PRKCZ: variants seen among roughly 807,000 people sequenced by gnomAD.
PRKCZ encodes protein kinase C zeta type.
A neutral mutation model predicts 79.5 loss-of-function variants in PRKCZ; 33 were observed. The ratio of observed to expected loss-of-function variants is 0.41; its 90% CI spans 0.31 to 0.55. The LOEUF (loss-of-function observed/expected upper bound fraction) is 0.55, where lower values mean the gene tolerates loss of function less well. Ranked by LOEUF, PRKCZ falls within the 20% of genes least tolerant of loss-of-function variation. The pLI is 0.19. For synonymous variants in PRKCZ, 342 were observed against 320.9 expected (o/e 1.07, Z -0.70); for missense variants, 578 against 813.5 (o/e 0.71, Z 3.52).
chr1:2,074,144 C>G (rs1279358344), intron 4 of PRKCZ: 2 of 1,542,008 alleles, frequency 1.3e-6, no homozygotes, highest in Non-Finnish European at 1.8e-6. Flanking sequence ...CAGCTCCCAG[C>G]AATGTCAGGG....
chr1:2,174,289 C>G lies in PRKCZ; in HGVS notation c.1405+273C>G, dbSNP rs987030301. Among the ~76,000 whole-genome samples, 3 of 152,180 alleles carry G rather than the reference C, an allele frequency of 2.0e-5. No individual in the cohort carries two copies. The highest frequency in any genetic ancestry group is 2.9e-5 in the Non-Finnish European group (2 of 68,026). ...CTGGCCAGCAGCACATGCTGGAGCC[C>G]CAGCATGTCCTTGACCGAGGCTGTA... On this transcript the variant is annotated intron_variant, in intron 14 of 17. Transcript: ENST00000378567. The surrounding 1 kb of genome is among the most constrained non-coding windows in gnomAD (Gnocchi z 6.2).
rs564129854 is a variant in PRKCZ at position 2,075,273 on chromosome 1, A to T, written c.334+15682A>T. 3 of 152,300 alleles carry T rather than the reference A, an allele frequency of 2.0e-5. No individual in the cohort carries two copies. In the South Asian group the frequency reaches 6.2e-4, roughly 32 times the overall value. The allele number at this position is 152,300 out of a possible 1,614,324, so 9.4% of individuals were successfully genotyped here. On this transcript the variant is annotated intron_variant, in intron 4 of 17. Transcript: ENST00000378567. The surrounding 1 kb of genome is among the most constrained non-coding windows in gnomAD (Gnocchi z 4.8). ...GTGTGAGCCCACGCTGGCCATGCACAGCTGGCACGATCCCTTGCGGTGTGA... is the reference window on the plus strand; with the variant it reads ...GTGTGAGCCCACGCTGGCCATGCACTGCTGGCACGATCCCTTGCGGTGTGA...
At position 2,094,594 on chromosome 1, in the gene PRKCZ, G is replaced by A. The variant is rs1466806772; in HGVS notation, c.334+35003G>A. Among the ~76,000 whole-genome samples the A allele has an allele frequency of 1.2e-5, 1 of 80,960 alleles. No individual in the cohort carries two copies. The highest frequency in any genetic ancestry group is 1.2e-4 in the Admixed American group (1 of 8,638). 53.1% of individuals were successfully genotyped at this position (80,960 alleles called of 152,430 possible). A position where few individuals can be genotyped will look rare whatever the true frequency, so the allele number is the denominator to read the frequency against. ...GGGCGCTGCCCGTTCTGAGGCGCCC[G>A]CTGTGCCCGGCTCGATGAACCTTGG... On this transcript the variant is annotated intron_variant, in intron 4 of 17. Coordinates refer to ENST00000378567, the MANE Select transcript of PRKCZ (RefSeq NM_002744.6). The surrounding 1 kb of genome is among the most constrained non-coding windows in gnomAD (Gnocchi z 7.3).
intron 4 of PRKCZ, among the ~76,000 whole-genome samples, chr1:2,069,312 A>C (rs546900633): frequency 6.3e-4 from 96 of 152,220 alleles, no homozygotes; most frequent in Non-Finnish European, 1.2e-3. Context: ...GGTGATGGGC[A>C]GCTGGAGAAC....
rs1372305827 is a variant in PRKCZ, at chr1:2,185,177, G to A, written c.*168G>A. The A allele has an allele frequency of 1.4e-6, 1 of 732,070 alleles. No individual in the cohort carries two copies. Among genetic ancestry groups the A allele is most frequent in the African/African-American group, 1.7e-5 (1 of 57,734 alleles). 45.3% of individuals were successfully genotyped at this position (732,070 alleles called of 1,614,324 possible). A position where few individuals can be genotyped will look rare whatever the true frequency, so the allele number is the denominator to read the frequency against. On this transcript the variant is annotated 3_prime_UTR_variant, in exon 18 of 18. Transcript: ENST00000378567. The stretch of plus-strand genomic sequence containing the variant: ...AGCGGGCGCTGCTGGGAGCAGAACA[G>A]TCCCTCACACCTGGGCCCGGGCAGG...
At chr1:2,144,136 G>A in intron 5 of PRKCZ, 74 bp from the exon 6 acceptor site, 2 of 1,522,338 alleles carry the variant, frequency 1.3e-6, no homozygotes, top group East Asian at 2.5e-5. Context: ...AGGTATAGGT[G>A]TGGAAGGCCC....
chr1:2,073,765 C>T (rs540896604), intron 4 of PRKCZ: 11 of 1,009,082 alleles, frequency 1.1e-5, no homozygotes, highest in Middle Eastern at 5.0e-4. Context: ...GCCGGCCTTC[C>T]GTTAAATATC....
chr1:2,083,554 A>G (rs1246661741), intron 4 of PRKCZ, among the ~76,000 whole-genome samples: 1 of 152,194 alleles, frequency 6.6e-6, no homozygotes, highest in Non-Finnish European at 1.5e-5. Flanking sequence ...TCGGCAAGAG[A>G]GTGGCAACAT....
At chr1:2,058,496 A>G (rs1660389870) in intron 3 of PRKCZ, among the ~76,000 whole-genome samples, 1 of 152,000 alleles carries the variant, frequency 6.6e-6, no homozygotes, top group Non-Finnish European at 1.5e-5. Flanking sequence ...AAATTCATAG[A>G]TGTGCCTAAT....
chr1:2,120,287 C>T (rs868328897), intron 4 of PRKCZ, among the ~76,000 whole-genome samples: 235 of 66,764 alleles, frequency 3.5e-3, no homozygotes, highest in African/African-American at 0.01. Flanking sequence ...CAGCCCTTGA[C>T]TTTTCGTTTT....
chr1:2,060,657 G>A lies in PRKCZ; in HGVS notation c.334+1066G>A, dbSNP rs570987754. ...CTCAGCCAACCGGGGTCCCTGCACC[G>A]TGGCCGGCAAGGCCGAGGAGCCATC... On this transcript the variant is annotated intron_variant, in intron 4 of 17. Transcript: ENST00000378567. 2.2e-4 allele frequency among the ~76,000 whole-genome samples: 33 copies of A among 152,362 alleles called. 3 individuals carry two copies. In the South Asian group the frequency reaches 6.0e-3, roughly 28 times the overall value.
chr1:2,069,747 C>T (rs922575492), intron 4 of PRKCZ, among the ~76,000 whole-genome samples: 9 of 152,144 alleles, frequency 5.9e-5, no homozygotes, highest in Admixed American at 2.6e-4. Flanking sequence ...TCTAGATGGC[C>T]GGGCCCATCA....
Position 2,173,972 on chromosome 1 carries a change from TCA to T in PRKCZ, c.1363_1364del (p.Thr455ArgfsTer40), listed in dbSNP as rs1684958183. ...GCCGGGCGCTCCCCGTTCGACATCA[TCA>T]CCGACAACCCGGACATGAACACAGA... On this transcript the variant is annotated frameshift_variant, in exon 14 of 18. Coordinates refer to ENST00000378567, the MANE Select transcript of PRKCZ (RefSeq NM_002744.6). LOFTEE classifies it high-confidence loss of function. The surrounding 1 kb of genome is among the most constrained non-coding windows in gnomAD (Gnocchi z 5.7). 1 of 1,612,692 alleles carries T rather than the reference TCA, an allele frequency of 6.2e-7. No individual in the cohort carries two copies.
intron 3 of PRKCZ, among the ~76,000 whole-genome samples, chr1:2,057,457 G>T (rs1282037824): frequency 1.3e-5 from 2 of 152,216 alleles, no homozygotes; most frequent in Non-Finnish European, 2.9e-5. Flanking sequence ...TCCAAGATGG[G>T]ACCAAAGCTC....
chr1:2,051,396 A>G (rs1016090030), intron 1 of PRKCZ, among the ~76,000 whole-genome samples: 3 of 152,124 alleles, frequency 2.0e-5, no homozygotes. Context: ...CCGGGCTCAC[A>G]GGCACAGCGG....
intron 4 of PRKCZ, among the ~76,000 whole-genome samples, chr1:2,062,522 T>G (rs1450814616): frequency 1.3e-5 from 2 of 151,568 alleles, no homozygotes; most frequent in Non-Finnish European, 2.9e-5. Flanking sequence ...GACGGAGTTT[T>G]GTTCTGTCAC....
intron 4 of PRKCZ, among the ~76,000 whole-genome samples, chr1:2,087,024 G>C (rs1399109203): frequency 1.3e-5 from 2 of 152,174 alleles, no homozygotes; most frequent in Non-Finnish European, 2.9e-5. Context: ...CTGTCAGTAT[G>C]ATGGTCAGTT....
intron 4 of PRKCZ, among the ~76,000 whole-genome samples, chr1:2,101,561 A>T (rs146710503): frequency 6.6e-6 from 1 of 152,332 alleles, no homozygotes; most frequent in African/African-American, 2.4e-5. Flanking sequence ...GGAGACCATC[A>T]GCCAGTCTGC....
intron 4 of PRKCZ, among the ~76,000 whole-genome samples, chr1:2,087,929 C>T (rs774614038): frequency 2.6e-5 from 4 of 152,188 alleles, no homozygotes; most frequent in African/African-American, 7.2e-5. Context: ...GGCCTGGCTT[C>T]GAGGCTGGGA....
Sources: allele counts gnomAD v4.1 joint callset (sites outside exome capture counted in the v4.1 genomes callset), GRCh38; gene constraint gnomAD v4.1.1; non-coding constraint Gnocchi (gnomAD v3.1); transcripts MANE v1.5; gene names NCBI Gene and HGNC (gene_info 2026-07-23, HGNC 2026-07-21).